Variants in IQCJ observed in about 807,000 individuals in gnomAD.
IQCJ encodes the protein IQ domain-containing protein J.
IQCJ carries 9 observed loss-of-function variants against 11.0 expected under a neutral mutation model. The observed-to-expected ratio is 0.82, with a 90% CI of 0.49 to 1.43. The LOEUF is 1.43. Ranked by LOEUF, IQCJ falls within the 40% of genes most tolerant of loss-of-function variation. IQCJ has a pLI of 0.00. For missense variants in IQCJ, 146 were observed against 133.2 expected (o/e 1.10, Z -0.47); for synonymous variants, 55 against 51.3 (o/e 1.07, Z -0.31).
At chr3:159,119,822 G>T (rs1415814880) in intron 1 of IQCJ, among the ~76,000 whole-genome samples, 1 of 152,138 alleles carries the variant, frequency 6.6e-6, no homozygotes, top group Non-Finnish European at 1.5e-5. Flanking sequence ...AGAGATGAGT[G>T]GGGCTTTGGG....
intron 1 of IQCJ, among the ~76,000 whole-genome samples, chr3:159,138,557 G>A (rs1720427166): frequency 6.6e-6 from 1 of 152,164 alleles, no homozygotes; most frequent in South Asian, 2.1e-4. Flanking sequence ...TGTGTGTTTA[G>A]ACATACCTGT....
intron 3 of IQCJ, among the ~76,000 whole-genome samples, chr3:159,261,081 A>G (rs1272288367): frequency 2.6e-5 from 4 of 152,146 alleles, no homozygotes; most frequent in Admixed American, 2.6e-4. Context: ...TTTGTTATTT[A>G]TATGCTGTGA....
chr3:159,133,027 G>T (rs189691264), intron 1 of IQCJ, among the ~76,000 whole-genome samples: 3 of 152,210 alleles, frequency 2.0e-5, no homozygotes, highest in Admixed American at 2.0e-4. Flanking sequence ...GTGTATGTCT[G>T]AATTCTACTT....
chr3:159,109,485 A>G (rs768887851), intron 1 of IQCJ, among the ~76,000 whole-genome samples: 85 of 151,810 alleles, frequency 5.6e-4, no homozygotes, highest in Non-Finnish European at 1.0e-3. Flanking sequence ...TCAAAAGTTA[A>G]GAAAGCACAT....
chr3:159,101,234 C>G (rs1039071100), intron 1 of IQCJ, among the ~76,000 whole-genome samples: 2 of 148,592 alleles, frequency 1.3e-5, no homozygotes, highest in African/African-American at 2.5e-5. Context: ...GGCTCGCGCA[C>G]GGTGCGCACA....
At position 159,084,213 on chromosome 3, in the gene IQCJ, A is replaced by G. The variant is rs117457525; in HGVS notation, c.9+14772A>G. 6.8e-4 allele frequency among the ~76,000 whole-genome samples: 103 copies of G among 151,392 alleles called. No individual in the cohort carries two copies. In the East Asian group the frequency reaches 0.016, roughly 23 times the overall value. The stretch of plus-strand genomic sequence containing the variant: ...ATTTTTCTCTATTATTTCCTACAAC[A>G]AAAATTGTATGAATCTACAATTATC... On this transcript the variant is annotated intron_variant, in intron 1 of 3. Coordinates refer to ENST00000397832, the MANE Select transcript of IQCJ (RefSeq NM_001042706.3).
chr3:159,093,452 C>T (rs910923117), intron 1 of IQCJ, among the ~76,000 whole-genome samples: 1 of 151,724 alleles, frequency 6.6e-6, no homozygotes, highest in South Asian at 2.1e-4. Flanking sequence ...AGATTTGGCT[C>T]CCACATTTCC....
intron 1 of IQCJ, among the ~76,000 whole-genome samples, chr3:159,130,109 C>A (rs1390159463): frequency 6.6e-6 from 1 of 152,162 alleles, no homozygotes; most frequent in Non-Finnish European, 1.5e-5. Flanking sequence ...CCTCTGGGAA[C>A]CTCTAATCTT....
intron 1 of IQCJ, among the ~76,000 whole-genome samples, chr3:159,072,530 A>G (rs1361818578): frequency 2.6e-5 from 4 of 152,162 alleles, no homozygotes; most frequent in Non-Finnish European, 4.4e-5. Flanking sequence ...ATTAATATTC[A>G]CTAACCTTAT....
At chr3:159,179,859 C>T (rs1306952425) in intron 1 of IQCJ, among the ~76,000 whole-genome samples, 1 of 152,106 alleles carries the variant, frequency 6.6e-6, no homozygotes, top group Non-Finnish European at 1.5e-5. Context: ...AAATTCAGAC[C>T]TGCCATGGCC....
At chr3:159,211,103 T>TAAATC (rs538069730) in intron 1 of IQCJ, among the ~76,000 whole-genome samples, 28 of 152,246 alleles carry the variant, frequency 1.8e-4, no homozygotes, top group Non-Finnish European at 3.5e-4. Flanking sequence ...TGAATTATTT[T>TAAATC]AAATCAATTG....
At chr3:159,144,856 G>A (rs1168816969) in intron 1 of IQCJ, among the ~76,000 whole-genome samples, 1 of 152,132 alleles carries the variant, frequency 6.6e-6, no homozygotes, top group Non-Finnish European at 1.5e-5. Context: ...CGAAGAAATG[G>A]CCTCATTTCT....
chr3:159,131,947 T>TAC (rs139886905), intron 1 of IQCJ, among the ~76,000 whole-genome samples: 3,909 of 150,216 alleles, frequency 0.026, 137 homozygotes, highest in African/African-American at 0.081. Context: ...TTACATTAAG[T>TAC]ACACACACAC....
chr3:159,202,619 G>A (rs1158112531), intron 1 of IQCJ, among the ~76,000 whole-genome samples: 1 of 152,124 alleles, frequency 6.6e-6, no homozygotes, highest in Admixed American at 6.6e-5. Flanking sequence ...GCCAAAGCCT[G>A]CGGAATGTTC....
At chr3:159,239,919 C>T (rs146870516) in intron 1 of IQCJ, among the ~76,000 whole-genome samples, 1 of 152,130 alleles carries the variant, frequency 6.6e-6, no homozygotes. Flanking sequence ...GCTATACCAT[C>T]TAGGTTTGTG....
chr3:159,263,499 C>T lies in IQCJ; in HGVS notation c.*768C>T. The T allele has an allele frequency of 2.0e-6, 2 of 984,374 alleles. No individual in the cohort carries two copies. 61.0% of individuals were successfully genotyped at this position (984,374 alleles called of 1,614,324 possible). On this transcript the variant is annotated 3_prime_UTR_variant, in exon 4 of 4. Coordinates refer to ENST00000397832, the MANE Select transcript of IQCJ (RefSeq NM_001042706.3). ...AATCAGTGATGAGGGATTTATGAAC[C>T]AGGATTTTGTGGATTTAAGCATTGT... is the stretch of plus-strand genomic sequence containing the variant.
In IQCJ at chr3:159,212,155, T is replaced by C. The variant is rs370980583; in HGVS notation, c.10-33688T>C. 5.3e-4 allele frequency among the ~76,000 whole-genome samples: 81 copies of C among 152,146 alleles called. 1 individual carries two copies. In the South Asian group the frequency reaches 9.3e-3, roughly 18 times the overall value. On this transcript the variant is annotated intron_variant, in intron 1 of 3. Transcript: ENST00000397832. ...GTTCTTCTGTGTTTCTTTGTCTTCG[T>C]GTGTGCCCTTTTGGATAGGAACAAT...
At chr3:159,113,247 T>A (rs952039983) in intron 1 of IQCJ, among the ~76,000 whole-genome samples, 18 of 152,250 alleles carry the variant, frequency 1.2e-4, no homozygotes, top group Non-Finnish European at 1.8e-4. Flanking sequence ...AAAATCTAGT[T>A]TCTCCTTAGG....
intron 1 of IQCJ, among the ~76,000 whole-genome samples, chr3:159,201,512 T>C (rs1724330102): frequency 3.7e-5 from 1 of 27,206 alleles, no homozygotes; most frequent in Non-Finnish European, 1.1e-4. Context: ...TGTGTATCTC[T>C]GTGTGTGTGT....
Sources: gnomAD v4.1 joint callset for allele counts (sites outside exome capture counted in the v4.1 genomes callset) on GRCh38, gnomAD v4.1.1 for gene constraint, MANE v1.5 for transcripts, NCBI Gene and HGNC (gene_info 2026-07-23, HGNC 2026-07-21) for gene names.